AP1S3: variants seen among roughly 807,000 people sequenced by gnomAD.
AP1S3 encodes the protein AP-1 complex subunit sigma-3.
A neutral mutation model predicts 20.9 loss-of-function variants in AP1S3; 10 were observed. The observed-to-expected ratio is 0.48, with a 90% confidence interval of 0.29 to 0.81. The LOEUF (loss-of-function observed/expected upper bound fraction) is 0.81, where lower values mean the gene tolerates loss of function less well. AP1S3 is among the 30% of genes least tolerant of loss of function. The probability of loss-of-function intolerance (pLI) is 0.08; values close to 1 mark genes in which losing one functional copy is unlikely to be tolerated. For synonymous variants in AP1S3, 41 were observed against 61.5 expected (o/e 0.67, Z 1.56); for missense variants, 154 against 183.8 (o/e 0.84, Z 0.94).
chr2:223,763,130 C>T (rs904456705), intron 4 of AP1S3, among the ~76,000 whole-genome samples: 14 of 152,124 alleles, frequency 9.2e-5, no homozygotes, highest in African/African-American at 1.2e-4. Context: ...GTGTTGTTAG[C>T]GCAACAGAAG....
At chr2:223,834,280 G>A (rs991320708) in intron 1 of AP1S3, among the ~76,000 whole-genome samples, 3 of 152,112 alleles carry the variant, frequency 2.0e-5, no homozygotes, top group Admixed American at 1.3e-4. Flanking sequence ...ACATAGGTAG[G>A]CTTCATTTCT....
intron 1 of AP1S3, among the ~76,000 whole-genome samples, chr2:223,832,102 C>G (rs1692277115): frequency 7.0e-6 from 1 of 141,992 alleles, no homozygotes; most frequent in South Asian, 2.2e-4. Flanking sequence ...AAAAAAAGGA[C>G]TTATTCTGGG....
At chr2:223,788,594 A>G (rs7608685) in intron 1 of AP1S3, among the ~76,000 whole-genome samples, 2 of 139,042 alleles carry the variant, frequency 1.4e-5, no homozygotes, top group Non-Finnish European at 1.5e-5. Flanking sequence ...TCTACTAAAA[A>G]TACAAAAAAA....
At chr2:223,828,979 G>C (rs1476668498) in intron 1 of AP1S3, among the ~76,000 whole-genome samples, 2 of 152,142 alleles carry the variant, frequency 1.3e-5, no homozygotes, top group African/African-American at 4.8e-5. Context: ...GGGATTACAG[G>C]CGCCTGCCAC....
intron 1 of AP1S3, among the ~76,000 whole-genome samples, chr2:223,831,113 G>A (rs893299710): frequency 6.6e-6 from 1 of 151,614 alleles, no homozygotes; most frequent in Admixed American, 6.6e-5. Flanking sequence ...CCAAAGTGCT[G>A]GCATGAGCCT....
chr2:223,790,732 T>C (rs1691197452), intron 1 of AP1S3, among the ~76,000 whole-genome samples: 1 of 152,212 alleles, frequency 6.6e-6, no homozygotes, highest in South Asian at 2.1e-4. Flanking sequence ...CTAATTAGCA[T>C]ATCCATCACC....
chr2:223,806,203 A>G (rs1384359491), intron 1 of AP1S3, among the ~76,000 whole-genome samples: 1 of 152,060 alleles, frequency 6.6e-6, no homozygotes, highest in East Asian at 1.9e-4. Context: ...CCTCCTGGTA[A>G]TCACGTCAGG....
intron 1 of AP1S3, among the ~76,000 whole-genome samples, chr2:223,795,122 G>A (rs1691306012): frequency 6.6e-6 from 1 of 152,178 alleles, no homozygotes; most frequent in African/African-American, 2.4e-5. Flanking sequence ...GGTGGCACAT[G>A]CCTGTAATCC....
chr2:223,796,755 C>T (rs1027297387), intron 1 of AP1S3, among the ~76,000 whole-genome samples: 9 of 152,284 alleles, frequency 5.9e-5, no homozygotes, highest in African/African-American at 2.2e-4. Context: ...CCTCCACGTC[C>T]TAGGTTCAAG....
chr2:223,793,934 G>C (rs527276232), intron 1 of AP1S3, among the ~76,000 whole-genome samples: 1 of 152,060 alleles, frequency 6.6e-6, no homozygotes, highest in African/African-American at 2.4e-5. Flanking sequence ...GTGAGCCACT[G>C]TGCCCAGCCT....
At chr2:223,812,448 C>T (rs1156461510) in intron 1 of AP1S3, among the ~76,000 whole-genome samples, 1 of 152,182 alleles carries the variant, frequency 6.6e-6, no homozygotes, top group African/African-American at 2.4e-5. Flanking sequence ...TCTTGAACTC[C>T]TGACTTCAGG....
intron 1 of AP1S3, among the ~76,000 whole-genome samples, chr2:223,798,177 A>G (rs7572834): frequency 2.6e-5 from 4 of 152,008 alleles, no homozygotes; most frequent in African/African-American, 9.7e-5. Context: ...AAATCTCCAC[A>G]ATCTCAGAAT....
chr2:223,827,942 T>C (rs7557538), intron 1 of AP1S3, among the ~76,000 whole-genome samples: 72,631 of 149,826 alleles, frequency 0.48, 17,614 homozygotes, highest in Middle Eastern at 0.58. Flanking sequence ...GCCTATAATC[T>C]CAGCTACTCA....
Position 223,782,870 on chromosome 2 carries a change from C to G in AP1S3, c.4-5001G>C, listed in dbSNP as rs145087373. On this transcript the variant is annotated intron_variant, in intron 1 of 4. Coordinates refer to ENST00000396654, the MANE Select transcript of AP1S3 (RefSeq NM_001039569.2). ...CACCTCTCCAGATTTAATGAGGTAG[C>G]TGGAACAAACTGGCAGAATGAATTG... Among the ~76,000 whole-genome samples the G allele has an allele frequency of 2.6e-5, 4 of 152,252 alleles. No individual in the cohort carries two copies. In the East Asian group the frequency reaches 7.7e-4, roughly 29 times the overall value.
At chr2:223,828,653 C>T (rs1032545301) in intron 1 of AP1S3, among the ~76,000 whole-genome samples, 3 of 152,076 alleles carry the variant, frequency 2.0e-5, no homozygotes, top group African/African-American at 4.8e-5. Flanking sequence ...ATGTGAGCTC[C>T]GTGCAAGCAG....
intron 3 of AP1S3, among the ~76,000 whole-genome samples, chr2:223,775,667 T>G (rs559708081): frequency 1.3e-5 from 2 of 152,264 alleles, no homozygotes; most frequent in Admixed American, 1.3e-4. Flanking sequence ...ATAGCAGGAC[T>G]CCATATCTAT....
At chr2:223,834,014 T>G (rs1473367833) in intron 1 of AP1S3, among the ~76,000 whole-genome samples, 1 of 152,122 alleles carries the variant, frequency 6.6e-6, no homozygotes, top group African/African-American at 2.4e-5. Context: ...GTTCAAGCGA[T>G]TCTCCTGCCT....
chr2:223,779,669 T>C lies in AP1S3; in HGVS notation c.4-1800A>G, dbSNP rs533419630. On this transcript the variant is annotated intron_variant, in intron 1 of 4. Transcript: ENST00000396654. ...AGATTTTAAGAAAACGTTTTACAGA[T>C]AAAAGATTCAACTTTCGGCCAGGTG... Among the ~76,000 whole-genome samples the C allele has an allele frequency of 5.9e-5, 9 of 152,088 alleles. No homozygotes were observed. The East Asian group carries it at 1.8e-3, about 30-fold the overall frequency.
intron 1 of AP1S3, among the ~76,000 whole-genome samples, chr2:223,795,378 G>A (rs976520776): frequency 2.6e-5 from 4 of 152,232 alleles, no homozygotes; most frequent in African/African-American, 9.7e-5. Flanking sequence ...AAGTTTCCCA[G>A]ACACTTTTTA....
Sources: allele counts gnomAD v4.1 joint callset (sites outside exome capture counted in the v4.1 genomes callset), GRCh38; gene constraint gnomAD v4.1.1; transcripts MANE v1.5; gene names NCBI Gene and HGNC (gene_info 2026-07-23, HGNC 2026-07-21).